CDKAL1: variants seen among roughly 807,000 people sequenced by gnomAD.
CDKAL1 encodes the protein threonylcarbamoyladenosine tRNA methylthiotransferase.
A neutral mutation model predicts 68.2 loss-of-function variants in CDKAL1; 32 were observed. The ratio of observed to expected loss-of-function variants is 0.47; its 90% CI spans 0.35 to 0.63. The LOEUF is 0.63. Among genes scored for constraint, CDKAL1 ranks in the 30% least tolerant of loss-of-function variants. The pLI, the probability that CDKAL1 is intolerant of heterozygous loss-of-function variation, is 0.00. For missense variants in CDKAL1, 606 were observed against 696.7 expected (o/e 0.87, Z 1.47); for synonymous variants, 234 against 244.3 (o/e 0.96, Z 0.39).
intron 4 of CDKAL1, among the ~76,000 whole-genome samples, chr6:20,595,376 T>C (rs1444351917): frequency 6.6e-6 from 1 of 152,132 alleles, no homozygotes; most frequent in Non-Finnish European, 1.5e-5. Context: ...TTCCTTTTCA[T>C]TCTTTTTTCT....
At chr6:20,617,429 A>T (rs546303619) in intron 4 of CDKAL1, among the ~76,000 whole-genome samples, 33 of 151,724 alleles carry the variant, frequency 2.2e-4, no homozygotes, top group East Asian at 3.9e-4. Flanking sequence ...ATTTTTTTTT[A>T]AATTTTACTT....
At chr6:20,901,753 T>C (rs938408620) in intron 9 of CDKAL1, among the ~76,000 whole-genome samples, 1 of 151,776 alleles carries the variant, frequency 6.6e-6, no homozygotes, top group Non-Finnish European at 1.5e-5. Flanking sequence ...TTCTTCTCTT[T>C]TCTTTCCTAG....
intron 10 of CDKAL1, among the ~76,000 whole-genome samples, chr6:20,997,105 G>A (rs940493788): frequency 3.9e-5 from 6 of 152,196 alleles, no homozygotes; most frequent in Admixed American, 3.3e-4. Flanking sequence ...ATAAGCTATT[G>A]TAGAAATGCA....
At chr6:20,579,797 G>A in intron 4 of CDKAL1, among the ~76,000 whole-genome samples, 1 of 152,182 alleles carries the variant, frequency 6.6e-6, no homozygotes, top group East Asian at 1.9e-4. Flanking sequence ...AGTATTTCAA[G>A]GTTTGTAAAG....
At position 20,717,759 on chromosome 6, in the gene CDKAL1, T is replaced by C. The variant is rs1772164824; in HGVS notation, c.372-21760T>C. ...TTAAACAGGTAGAGTTGAGTTTCCCTGGGCCACATAGGGCATAAGTCAGGA... is the reference window on the plus strand; with the variant it reads ...TTAAACAGGTAGAGTTGAGTTTCCCCGGGCCACATAGGGCATAAGTCAGGA... On this transcript the variant is annotated intron_variant, in intron 5 of 15. Transcript: ENST00000274695. 1.3e-5 allele frequency among the ~76,000 whole-genome samples: 2 copies of C among 152,192 alleles called. 1 individual carries two copies. The highest frequency in any genetic ancestry group is 4.8e-5 in the African/African-American group (2 of 41,456).
intron 4 of CDKAL1, among the ~76,000 whole-genome samples, chr6:20,628,185 A>T (rs1203308392): frequency 2.0e-5 from 3 of 152,042 alleles, no homozygotes; most frequent in African/African-American, 7.2e-5. Context: ...TCTTAGGGAG[A>T]AAGAATTTGT....
intron 8 of CDKAL1, among the ~76,000 whole-genome samples, chr6:20,825,417 C>T (rs1296444080): frequency 6.6e-6 from 1 of 152,014 alleles, no homozygotes; most frequent in Non-Finnish European, 1.5e-5. Flanking sequence ...AGCTATAAAT[C>T]AGTTCTGCTC....
chr6:20,799,106 G>A (rs1234043798), intron 8 of CDKAL1, among the ~76,000 whole-genome samples: 1 of 130,156 alleles, frequency 7.7e-6, no homozygotes, highest in Non-Finnish European at 1.5e-5. Context: ...AGGCTGGAGT[G>A]CAATGGCATG....
intron 7 of CDKAL1, among the ~76,000 whole-genome samples, chr6:20,762,864 C>T (rs1490987379): frequency 6.6e-6 from 1 of 152,146 alleles, no homozygotes; most frequent in Non-Finnish European, 1.5e-5. Context: ...TGTATGTATA[C>T]TCTCACTGGT....
intron 13 of CDKAL1, among the ~76,000 whole-genome samples, chr6:21,111,984 T>C (rs73383733): frequency 0.025 from 3,872 of 152,264 alleles, 173 homozygotes; most frequent in African/African-American, 0.088. Context: ...ACTTGTATTA[T>C]AGTTTCTGAA....
intron 13 of CDKAL1, among the ~76,000 whole-genome samples, chr6:21,123,209 C>CT (rs2151011194): frequency 6.6e-6 from 1 of 152,252 alleles, no homozygotes; most frequent in African/African-American, 2.4e-5. Flanking sequence ...AATCCCAACA[C>CT]TTTGAGAGGC....
intron 13 of CDKAL1, among the ~76,000 whole-genome samples, chr6:21,195,928 A>G (rs928716836): frequency 2.0e-5 from 3 of 152,150 alleles, no homozygotes; most frequent in Middle Eastern, 3.2e-3. Context: ...ATTAGTGCAC[A>G]TTGCGGTTCT....
chr6:21,051,033 C>G (rs1470281524), intron 11 of CDKAL1, among the ~76,000 whole-genome samples: 1 of 152,034 alleles, frequency 6.6e-6, no homozygotes, highest in African/African-American at 2.4e-5. Context: ...TTTTTCTGTG[C>G]CTTTTTCTTA....
At position 21,126,327 on chromosome 6, in the gene CDKAL1, A is replaced by G. The variant is rs143297583; in HGVS notation, c.1299+17864A>G. Among the ~76,000 whole-genome samples, 1,039 of 152,330 alleles carry G rather than the reference A, an allele frequency of 6.8e-3. 13 individuals carry two copies. The highest frequency in any genetic ancestry group is 0.022 in the African/African-American group (906 of 41,576). On this transcript the variant is annotated intron_variant, in intron 13 of 15. Coordinates refer to ENST00000274695, the MANE Select transcript of CDKAL1 (RefSeq NM_017774.3). The stretch of plus-strand genomic sequence containing the variant: ...TGCCCCCTCCATTCCAGAGATTCTC[A>G]AACTTGATGGCACATTAGAATCAGC...
intron 8 of CDKAL1, among the ~76,000 whole-genome samples, chr6:20,816,281 A>G (rs1777045176): frequency 6.6e-6 from 1 of 152,220 alleles, no homozygotes; most frequent in Non-Finnish European, 1.5e-5. Flanking sequence ...CTGCAGGGAT[A>G]CTAGTCAACC....
intron 4 of CDKAL1, among the ~76,000 whole-genome samples, chr6:20,642,318 A>C (rs976848856): frequency 6.6e-6 from 1 of 152,156 alleles, no homozygotes; most frequent in Non-Finnish European, 1.5e-5. Context: ...GTAAAATGAC[A>C]AACTGGAAAA....
intron 4 of CDKAL1, among the ~76,000 whole-genome samples, chr6:20,638,870 G>T (rs1037836663): frequency 3.3e-5 from 5 of 152,070 alleles, no homozygotes; most frequent in African/African-American, 1.2e-4. Context: ...TTGACATCAT[G>T]ATCCGCCTGC....
intron 13 of CDKAL1, among the ~76,000 whole-genome samples, chr6:21,183,880 C>G (rs1329415812): frequency 6.6e-6 from 1 of 152,108 alleles, no homozygotes; most frequent in East Asian, 1.9e-4. Flanking sequence ...GCCCCCCAAC[C>G]AACTGAATGC....
chr6:21,114,675 G>A (rs1342288655), intron 13 of CDKAL1, among the ~76,000 whole-genome samples: 1 of 151,972 alleles, frequency 6.6e-6, no homozygotes, highest in East Asian at 1.9e-4. Flanking sequence ...GGAGTTCGAG[G>A]CTGCAGTGAG....
Sources: allele counts gnomAD v4.1 joint callset (sites outside exome capture counted in the v4.1 genomes callset), GRCh38; gene constraint gnomAD v4.1.1; transcripts MANE v1.5; gene names NCBI Gene and HGNC (gene_info 2026-07-23, HGNC 2026-07-21).